ARHGEF11: variants seen among roughly 807,000 people sequenced by gnomAD.
The protein encoded by ARHGEF11 is Rho guanine exchange factor (GEF) 11.
ARHGEF11 carries 55 observed loss-of-function variants against 193.7 expected under a neutral mutation model. The ratio of observed to expected loss-of-function variants is 0.28; its 90% CI spans 0.23 to 0.36. The LOEUF (loss-of-function observed/expected upper bound fraction) is 0.36. Among genes scored for constraint, ARHGEF11 ranks in the 10% least tolerant of loss-of-function variants. The pLI, the probability that ARHGEF11 is intolerant of heterozygous loss-of-function variation, is 1.00. For missense variants in ARHGEF11, 1,723 were observed against 2,005.6 expected, an observed-to-expected ratio of 0.86 and a Z score of 2.69; for synonymous variants, 693 against 768.0, an observed-to-expected ratio of 0.90 and a Z score of 1.62.
In ARHGEF11 at chr1:156,939,735, G is replaced by C; in HGVS notation, c.3909C>G (p.Asp1303Glu). ...PGQAPPGGEG[D>E]NTQLAGLEGE... Reference sequence around the variant, plus strand: ...CCTCCAGCCCTGCAAGCTGGGTGTTGTCCCCTTCACCCCCAGGGGGTGCTT... The same window carrying C: ...CCTCCAGCCCTGCAAGCTGGGTGTTCTCCCCTTCACCCCCAGGGGGTGCTT... Residue 1303 changes from aspartate (D) to glutamate (E), a missense_variant, in exon 37 of 41, where the codon GAC (aspartate) becomes GAG (glutamate). By Grantham distance (45) the Asp-to-Glu change is conservative. Coordinates refer to ENST00000368194, the MANE Select transcript of ARHGEF11 (RefSeq NM_198236.3). 6.2e-7 allele frequency: 1 copy of C among 1,614,122 alleles called. No individual in the cohort carries two copies. The highest frequency in any genetic ancestry group is 2.2e-5 in the East Asian group (1 of 44,880).
In ARHGEF11 at chr1:156,947,349, G is replaced by A. The variant is rs1658335308; in HGVS notation, c.2443C>T (p.Leu815=). 1 of 1,613,864 alleles carries A rather than the reference G, an allele frequency of 6.2e-7. No individual in the cohort carries two copies. Among genetic ancestry groups the A allele is most frequent in the African/African-American group, 1.3e-5 (1 of 75,002 alleles). Residue 815 remains leucine (L), a synonymous_variant, in exon 26 of 41, where the codon CTG becomes TTG. Coordinates refer to ENST00000368194, the MANE Select transcript of ARHGEF11 (RefSeq NM_198236.3). ...GGCAGGTTCGGGAAGAGCCGGGCCA[G>A]CTCCTCCCGGGGCATCAGGTTCTCC... The part of the protein sequence containing the change: ...KKENLMPREE[L]ARLFPNLPEL...
chr1:156,947,491 G>A, intron 25 of ARHGEF11, 41 bp from the exon 26 acceptor site: 2 of 1,538,918 alleles, frequency 1.3e-6, no homozygotes, highest in Non-Finnish European at 1.7e-6. Flanking sequence ...AAGCCAGGGA[G>A]AAAACGGATC....
chr1:156,944,745 C>A (rs1487034764), intron 30 of ARHGEF11, among the ~76,000 whole-genome samples: 1 of 152,158 alleles, frequency 6.6e-6, no homozygotes, highest in African/African-American at 2.4e-5. Flanking sequence ...CTATTCCCTC[C>A]CAGAAGATCT....
chr1:157,017,685 C>A (rs1212451054), intron 1 of ARHGEF11, among the ~76,000 whole-genome samples: 1 of 108,150 alleles, frequency 9.2e-6, no homozygotes, highest in Non-Finnish European at 1.7e-5. Flanking sequence ...CCAGCCTGGG[C>A]AACAGAGTGA....
At chr1:157,027,880 C>T (rs1056731211) in intron 1 of ARHGEF11, among the ~76,000 whole-genome samples, 5 of 152,068 alleles carry the variant, frequency 3.3e-5, no homozygotes, top group Admixed American at 1.3e-4. Flanking sequence ...ACTCTGAGGT[C>T]GCCATGTAGA....
chr1:156,978,194 GGAT>G lies in ARHGEF11; in HGVS notation c.510+7_510+9del. On this transcript the variant is annotated splice_region_variant and intron_variant, in intron 6 of 40. Coordinates refer to ENST00000368194, the MANE Select transcript of ARHGEF11 (RefSeq NM_198236.3). ...TTAGGGTGAGGAAAGAAAGCCAGGA[GGAT>G]TATTACCTGCAGAGGTTTGGGTCCT... 6.2e-7 allele frequency: 1 copy of G among 1,614,142 alleles called. No individual in the cohort carries two copies. The highest frequency in any genetic ancestry group is 1.1e-5 in the South Asian group (1 of 91,078).
chr1:156,977,539 A>G (rs1021619142), intron 6 of ARHGEF11, among the ~76,000 whole-genome samples: 3 of 152,102 alleles, frequency 2.0e-5, no homozygotes, highest in Non-Finnish European at 4.4e-5. Context: ...CAGCCTCCTG[A>G]GTACCTGGGA....
At chr1:157,008,868 G>C (rs1235219078) in intron 1 of ARHGEF11, among the ~76,000 whole-genome samples, 1 of 152,188 alleles carries the variant, frequency 6.6e-6, no homozygotes, top group Non-Finnish European at 1.5e-5. Flanking sequence ...ACCTTTGAGA[G>C]GGATCCAAAG....
chr1:157,026,944 G>T (rs758702378), intron 1 of ARHGEF11, among the ~76,000 whole-genome samples: 41 of 152,122 alleles, frequency 2.7e-4, no homozygotes, highest in Admixed American at 5.2e-4. Context: ...CAGAGTTGGG[G>T]GTCAGTCTGA....
intron 13 of ARHGEF11, among the ~76,000 whole-genome samples, chr1:156,962,782 G>A (rs535869567): frequency 1.3e-5 from 2 of 151,294 alleles, no homozygotes. Flanking sequence ...GGGGGGCTGA[G>A]GCAGGAGAAC....
At chr1:157,046,205 G>A (rs555832735), upstream of ARHGEF11, among the ~76,000 whole-genome samples, 1 of 145,184 alleles carries the variant, frequency 6.9e-6, no homozygotes, top group African/African-American at 2.6e-5. Flanking sequence ...CCCTGACCCC[G>A]CCAGGCACCG....
In ARHGEF11 at chr1:156,935,987, G is replaced by T; in HGVS notation, c.*13C>A. 3.1e-6 allele frequency: 5 copies of T among 1,610,222 alleles called. No homozygotes were observed. Among genetic ancestry groups the T allele is most frequent in the Non-Finnish European group, 4.2e-6 (5 of 1,177,638 alleles). ...GAGGAGTGGGGACGCAGAGGATTTG[G>T]TGGTTTGTACGGTTATGGTCCTGGT... On this transcript the variant is annotated 3_prime_UTR_variant, in exon 41 of 41. Coordinates refer to ENST00000368194, the MANE Select transcript of ARHGEF11 (RefSeq NM_198236.3).
At chr1:156,960,760 G>A (rs1257629679) in intron 14 of ARHGEF11, among the ~76,000 whole-genome samples, 1 of 152,184 alleles carries the variant, frequency 6.6e-6, no homozygotes, top group African/African-American at 2.4e-5. Flanking sequence ...TCCAAAAAGT[G>A]GACCTGTGCT....
rs1658520395 is a variant in ARHGEF11, at chr1:156,948,282, A to G, written c.2105+37T>C. The G allele has an allele frequency of 1.2e-6, 2 of 1,608,244 alleles. No homozygotes were observed. Among genetic ancestry groups the G allele is most frequent in the South Asian group, 2.2e-5 (2 of 90,948 alleles). ...CCCTCTATCCTTGCCGCCACCCCTG[A>G]GATGTCCATGGGTGCAGCCGTTGTA... On this transcript the variant is annotated intron_variant, in intron 23 of 40. Coordinates refer to ENST00000368194, the MANE Select transcript of ARHGEF11 (RefSeq NM_198236.3). The surrounding 1 kb of genome is among the most constrained non-coding windows in gnomAD (Gnocchi z 4.2).
upstream of ARHGEF11, among the ~76,000 whole-genome samples, chr1:157,045,850 T>TGCGA (rs1362362874): frequency 4.0e-5 from 6 of 150,682 alleles, no homozygotes; most frequent in East Asian, 1.2e-3. Flanking sequence ...CCTCCTTCCC[T>TGCGA]GCGAGCCTTT....
chr1:156,997,020 T>C (rs866518476), intron 1 of ARHGEF11, among the ~76,000 whole-genome samples: 2 of 151,414 alleles, frequency 1.3e-5, no homozygotes, highest in African/African-American at 2.4e-5. Context: ...CACCACTATA[T>C]CTGGCTAGTT....
intron 1 of ARHGEF11, among the ~76,000 whole-genome samples, chr1:157,007,725 A>G (rs866488470): frequency 3.3e-5 from 5 of 152,162 alleles, no homozygotes; most frequent in African/African-American, 9.7e-5. Context: ...CTTGACACAA[A>G]TACCACCTAA....
rs527422829 is a variant in ARHGEF11 at position 156,941,966 on chromosome 1, G to A, written c.3350C>T (p.Ala1117Val). 8 of 1,614,088 alleles carry A rather than the reference G, an allele frequency of 5.0e-6. No homozygotes were observed. The East Asian group carries it at 1.3e-4, about 27-fold the overall frequency. ...KNTWMELLEE[A>V]VRNATRHPGA... is the part of the protein sequence containing the mutation. ...GGGGTGCCTGGTGGCATTCCGCACG[G>A]CCTCTTCTAAGAGCTCCATCCATCT... The change falls in exon 34 of 41, where the codon GCC (alanine) becomes GTC (valine). Residue 1117 changes from alanine to valine, a missense_variant. Around this residue, in one of 5 missense-constraint regions of ARHGEF11, gnomAD observed 203 missense variants for 237.3 expected, o/e 0.86. Coordinates refer to ENST00000368194, the MANE Select transcript of ARHGEF11 (RefSeq NM_198236.3).
chr1:156,969,351 G>C lies in ARHGEF11; in HGVS notation c.756C>G (p.Leu252=). 6.2e-7 allele frequency: 1 copy of C among 1,606,584 alleles called. No individual in the cohort carries two copies. Among genetic ancestry groups the C allele is most frequent in the Non-Finnish European group, 8.5e-7 (1 of 1,176,170 alleles). The change falls in exon 10 of 41, where the codon CTC becomes CTG. Residue 252 remains leucine, a synonymous_variant. Coordinates refer to ENST00000368194, the MANE Select transcript of ARHGEF11 (RefSeq NM_198236.3). The part of the protein sequence containing the change: ...DTSQRPSEGR[L]SLDSQEGDSG... Reference sequence around the variant, plus strand: ...TGTCCCCCTCCTGGGAATCCAGAGAGAGCCGGCCTGAGAAGAAAATAGTTT... The same window carrying C: ...TGTCCCCCTCCTGGGAATCCAGAGACAGCCGGCCTGAGAAGAAAATAGTTT...
Sources: allele counts gnomAD v4.1 joint callset (sites outside exome capture counted in the v4.1 genomes callset), GRCh38; gene constraint gnomAD v4.1.1; regional missense constraint gnomAD v4.1.1; non-coding constraint Gnocchi (gnomAD v3.1); transcripts MANE v1.5; gene names NCBI Gene and HGNC (gene_info 2026-07-23, HGNC 2026-07-21).